Variants in KIAA2012 observed in about 807,000 individuals in gnomAD.
The protein encoded by KIAA2012 is uncharacterized protein KIAA2012.
KIAA2012 carries 125 observed loss-of-function variants against 150.6 expected under a neutral mutation model. The ratio of observed to expected loss-of-function variants is 0.83; its 90% CI spans 0.72 to 0.96. The LOEUF is 0.96. Ranked by LOEUF, KIAA2012 falls within the 40% of genes least tolerant of loss-of-function variation. The probability of loss-of-function intolerance (pLI) is 0.00; values close to 1 mark genes in which losing one functional copy is unlikely to be tolerated. For synonymous variants in KIAA2012, 462 were observed against 504.7 expected (o/e 0.92, Z 1.13); for missense variants, 1,219 against 1,354.9 (o/e 0.90, Z 1.57).
chr2:202,075,022 C>A lies in KIAA2012; in HGVS notation c.216C>A (p.Ile72=). ...TCAGTACTAGAAAGGGTGCCCTGAT[C>A]CTGTACTCAGAAGGTTTTGCCATTT... The part of the protein sequence containing the change: ...KTFSTRKGAL[I]LYSEGFAISA... Residue 72 remains isoleucine, a synonymous_variant, in exon 2 of 24, where the codon ATC becomes ATA. Transcript: ENST00000498697. 7 of 1,550,618 alleles carry A rather than the reference C, an allele frequency of 4.5e-6. No homozygotes were observed. The highest frequency in any genetic ancestry group is 6.1e-6 in the Non-Finnish European group (7 of 1,147,002).
intron 12 of KIAA2012, among the ~76,000 whole-genome samples, chr2:202,127,788 C>T (rs996345654): frequency 1.3e-5 from 2 of 152,152 alleles, no homozygotes; most frequent in African/African-American, 4.8e-5. Flanking sequence ...TCCTCATCTC[C>T]TATCCAACAT....
chr2:202,165,238 C>T, intron 14 of KIAA2012, 46 bp from the exon 15 acceptor site: 2 of 1,511,836 alleles, frequency 1.3e-6, no homozygotes, highest in Non-Finnish European at 1.8e-6. Flanking sequence ...TAAGTGTTTG[C>T]ATTTATTATG....
At chr2:202,121,693 C>T (rs1313607753) in intron 11 of KIAA2012, among the ~76,000 whole-genome samples, 1 of 152,218 alleles carries the variant, frequency 6.6e-6, no homozygotes, top group Non-Finnish European at 1.5e-5. Flanking sequence ...AGCTGGGCTT[C>T]ATTCCCAGGC....
intron 12 of KIAA2012, among the ~76,000 whole-genome samples, chr2:202,133,645 C>A (rs935457506): frequency 4.6e-5 from 7 of 152,280 alleles, no homozygotes; most frequent in African/African-American, 1.7e-4. Context: ...ATGTCTTTTG[C>A]CTGGAGACTT....
chr2:202,125,166 T>C, intron 11 of KIAA2012, 48 bp from the exon 12 acceptor site: 1 of 1,449,866 alleles, frequency 6.9e-7, no homozygotes, highest in Non-Finnish European at 9.5e-7. Flanking sequence ...AATAAATTTT[T>C]ACAAGACTTT....
chr2:202,152,040 C>T (rs766978163), intron 13 of KIAA2012, among the ~76,000 whole-genome samples: 11 of 152,170 alleles, frequency 7.2e-5, no homozygotes, highest in East Asian at 1.9e-4. Context: ...GATGAGATTA[C>T]GGATATGAGC....
chr2:202,128,709 CA>C (rs1441346270), intron 12 of KIAA2012, among the ~76,000 whole-genome samples: 1 of 136,834 alleles, frequency 7.3e-6, no homozygotes. Context: ...ATGGGTGAAA[CA>C]GGCCTTTTTT....
Position 202,196,955 on chromosome 2 carries a change from AAAG to A in KIAA2012, c.3348_3350del (p.Glu1118del), listed in dbSNP as rs1692427178. The A allele has an allele frequency of 2.6e-6, 4 of 1,550,530 alleles. No individual in the cohort carries two copies. The highest frequency in any genetic ancestry group is 1.4e-5 in the African/African-American group (1 of 73,030). On this transcript the variant is annotated inframe_deletion, in exon 22 of 24. Coordinates refer to ENST00000498697, the MANE Select transcript of KIAA2012 (RefSeq NM_001277372.4). ...GCTGGAGGCAGAGGAGAGGAGGCAA[AAAG>A]AAGAGGAAGCAGCAAGACTGGCTCT...
At chr2:202,203,412 T>C (rs1389176957) in intron 23 of KIAA2012, among the ~76,000 whole-genome samples, 1 of 152,156 alleles carries the variant, frequency 6.6e-6, no homozygotes, top group Non-Finnish European at 1.5e-5. Flanking sequence ...ACTTGAAAAA[T>C]GTTCATTTCA....
At chr2:202,154,452 G>A (rs1329773609) in intron 13 of KIAA2012, among the ~76,000 whole-genome samples, 2 of 152,120 alleles carry the variant, frequency 1.3e-5, no homozygotes, top group Admixed American at 6.6e-5. Context: ...ACCTAGGAAG[G>A]TCCCTTTTTC....
chr2:202,132,744 TATA>T lies in KIAA2012; in HGVS notation c.1832-5687_1832-5685del, dbSNP rs374660120. ...TATATATATAGTATATATGTATATA[TATA>T]GTATATATGTATATATATACATATA... On this transcript the variant is annotated intron_variant, in intron 12 of 23. Transcript: ENST00000498697. Among the ~76,000 whole-genome samples, 71 of 58,514 alleles carry T rather than the reference TATA, an allele frequency of 1.2e-3. 4 individuals are homozygous for T. Among genetic ancestry groups the T allele is most frequent in the Non-Finnish European group, 2.0e-3 (59 of 30,094 alleles). 38.4% of individuals were successfully genotyped at this position (58,514 alleles called of 152,430 possible). A position where few individuals can be genotyped will look rare whatever the true frequency, so the allele number is the denominator to read the frequency against.
Position 202,099,718 on chromosome 2 carries a change from C to T in KIAA2012, c.934C>T (p.His312Tyr), listed in dbSNP as rs1386739314. 6.4e-7 allele frequency: 1 copy of T among 1,550,538 alleles called. No homozygotes were observed. Among genetic ancestry groups the T allele is most frequent in the Non-Finnish European group, 8.7e-7 (1 of 1,147,006 alleles). ...GGCCTTTGGGCATGGCCGCATCGAT[C>T]ACTCTTGGCTCCCAAGTGACAAATC... is the stretch of plus-strand genomic sequence containing the variant. ...RKAFGHGRID[H>Y]SWLPSDKSHI... The change falls in exon 6 of 24, where the codon CAC (histidine) becomes TAC (tyrosine). Residue 312 changes from histidine to tyrosine, a missense_variant. Coordinates refer to ENST00000498697, the MANE Select transcript of KIAA2012 (RefSeq NM_001277372.4).
At chr2:202,101,594 G>A (rs1425547594) in intron 7 of KIAA2012, among the ~76,000 whole-genome samples, 1 of 152,196 alleles carries the variant, frequency 6.6e-6, no homozygotes, top group Non-Finnish European at 1.5e-5. Flanking sequence ...TTTTTAATTA[G>A]GATAAAGAAA....
chr2:202,083,679 G>C (rs1559197124), intron 2 of KIAA2012, among the ~76,000 whole-genome samples: 1 of 151,436 alleles, frequency 6.6e-6, no homozygotes, highest in Non-Finnish European at 1.5e-5. Flanking sequence ...GAAATGCCCT[G>C]GGCCTAAAAC....
At chr2:202,198,264 T>C (rs1574319207) in intron 22 of KIAA2012, among the ~76,000 whole-genome samples, 1 of 146,330 alleles carries the variant, frequency 6.8e-6, no homozygotes, top group Non-Finnish European at 1.5e-5. Flanking sequence ...TCAAAAGAGG[T>C]GTCATATATG....
chr2:202,189,784 C>G (rs1215792235), intron 18 of KIAA2012, among the ~76,000 whole-genome samples: 1 of 151,998 alleles, frequency 6.6e-6, no homozygotes, highest in Non-Finnish European at 1.5e-5. Flanking sequence ...CCATTGCATG[C>G]TAACTTTTAA....
intron 12 of KIAA2012, among the ~76,000 whole-genome samples, chr2:202,130,650 C>T (rs2105939634): frequency 6.6e-6 from 1 of 152,332 alleles, no homozygotes; most frequent in East Asian, 1.9e-4. Flanking sequence ...GTCGCAGTGA[C>T]TCACACCTGT....
chr2:202,142,997 A>G (rs1360707920), intron 13 of KIAA2012, among the ~76,000 whole-genome samples: 3 of 150,016 alleles, frequency 2.0e-5, no homozygotes, highest in African/African-American at 4.9e-5. Flanking sequence ...CCCAGTTGTG[A>G]CAATCAAAAA....
intron 2 of KIAA2012, among the ~76,000 whole-genome samples, chr2:202,076,137 C>T (rs971751051): frequency 7.2e-5 from 11 of 152,202 alleles, no homozygotes; most frequent in African/African-American, 2.7e-4. Context: ...GAAGCCTTCT[C>T]CCACTTGCCT....
Sources: gnomAD v4.1 joint callset for allele counts (sites outside exome capture counted in the v4.1 genomes callset) on GRCh38, gnomAD v4.1.1 for gene constraint, MANE v1.5 for transcripts, NCBI Gene and HGNC (gene_info 2026-07-23, HGNC 2026-07-21) for gene names.